CERKL: variants seen among roughly 807,000 people sequenced by gnomAD.
CERKL encodes the protein CERK like autophagy regulator, also known as ceramide kinase-like protein.
In CERKL, 61 loss-of-function variants were observed where a neutral mutation model predicts 63.4. That is an observed-to-expected ratio of 0.96 (90% CI 0.78 to 1.19). CERKL has a LOEUF of 1.19. CERKL is among the 50% of genes most tolerant of loss of function. The pLI, the probability that CERKL is intolerant of heterozygous loss-of-function variation, is 0.00. For synonymous variants in CERKL, 250 were observed against 230.5 expected (o/e 1.08, Z -0.77); for missense variants, 675 against 655.5 (o/e 1.03, Z -0.33).
At chr2:181,551,818 A>T (rs1688000695) in intron 5 of CERKL, among the ~76,000 whole-genome samples, 1 of 152,134 alleles carries the variant, frequency 6.6e-6, no homozygotes, top group African/African-American at 2.4e-5. Flanking sequence ...ATATGAAACA[A>T]AGGTTTGACT....
At chr2:181,635,359 T>G (rs77989746) in intron 1 of CERKL, among the ~76,000 whole-genome samples, 8,204 of 152,232 alleles carry the variant, frequency 0.054, 290 homozygotes, top group South Asian at 0.096. Flanking sequence ...TTAGAGAAAT[T>G]TATTTCTACT....
rs559808305 is a variant in CERKL at position 181,618,792 on chromosome 2, A to T, written c.239-14713T>A. Among the ~76,000 whole-genome samples the T allele has an allele frequency of 8.5e-5, 13 of 152,344 alleles. No homozygotes were observed. The East Asian group carries it at 9.6e-4, about 11-fold the overall frequency. On this transcript the variant is annotated intron_variant, in intron 1 of 12. Coordinates refer to ENST00000410087, the MANE Select transcript of CERKL (RefSeq NM_201548.5). ...ACAAATATCAATGGTTATAACTTAA[A>T]TAAATGGTCTTTGTGGTTTTCAACG...
chr2:181,625,833 C>A (rs1030596638), intron 1 of CERKL, among the ~76,000 whole-genome samples: 57 of 152,134 alleles, frequency 3.7e-4, no homozygotes, highest in African/African-American at 1.3e-3. Flanking sequence ...GAAACAGGGG[C>A]AAACAAAACA....
chr2:181,565,854 T>G (rs979346780), intron 4 of CERKL, among the ~76,000 whole-genome samples: 2 of 152,120 alleles, frequency 1.3e-5, no homozygotes, highest in Non-Finnish European at 2.9e-5. Flanking sequence ...ATTCCTCTTT[T>G]TGCTTTCCTA....
intron 1 of CERKL, among the ~76,000 whole-genome samples, chr2:181,651,806 A>G (rs1421154442): frequency 6.6e-6 from 1 of 152,070 alleles, no homozygotes; most frequent in Non-Finnish European, 1.5e-5. Flanking sequence ...AGAATTCAGT[A>G]AAGTTGCAAG....
At chr2:181,599,750 G>C (rs565089862) in intron 2 of CERKL, among the ~76,000 whole-genome samples, 1 of 152,208 alleles carries the variant, frequency 6.6e-6, no homozygotes, top group African/African-American at 2.4e-5. Flanking sequence ...TGATGGAGAA[G>C]AGGAAGAAGT....
At chr2:181,609,461 C>T (rs961187264) in intron 1 of CERKL, among the ~76,000 whole-genome samples, 4 of 143,992 alleles carry the variant, frequency 2.8e-5, no homozygotes, top group Admixed American at 7.2e-5. Context: ...TTTGGGAGGC[C>T]GAGAAGGGCA....
intron 1 of CERKL, among the ~76,000 whole-genome samples, chr2:181,639,082 A>C (rs1282322096): frequency 1.3e-5 from 2 of 152,244 alleles, no homozygotes; most frequent in African/African-American, 4.8e-5. Flanking sequence ...ATATTTAAAA[A>C]ATAGAGAAAA....
chr2:181,586,243 A>G (rs1337964577), intron 2 of CERKL, among the ~76,000 whole-genome samples: 1 of 152,160 alleles, frequency 6.6e-6, no homozygotes, highest in African/African-American at 2.4e-5. Flanking sequence ...AACAATTAAC[A>G]TTTTTAGGTG....
chr2:181,650,096 A>G (rs1574069226), intron 1 of CERKL: 1 of 51,516 alleles, frequency 1.9e-5, no homozygotes, highest in South Asian at 1.0e-3. Context: ...GGAGGGAGGG[A>G]GGGAGGGAGG....
At chr2:181,582,705 C>T (rs1684575550) in intron 2 of CERKL, among the ~76,000 whole-genome samples, 1 of 151,644 alleles carries the variant, frequency 6.6e-6, no homozygotes. Flanking sequence ...CCACCAAGCC[C>T]AGCTAATTTT....
At chr2:181,612,881 A>G (rs1474472610) in intron 1 of CERKL, among the ~76,000 whole-genome samples, 1 of 152,140 alleles carries the variant, frequency 6.6e-6, no homozygotes, top group Non-Finnish European at 1.5e-5. Context: ...AAAAAGCAGT[A>G]TTTTTCTGAT....
chr2:181,591,202 C>T (rs1684977153), intron 2 of CERKL, among the ~76,000 whole-genome samples: 1 of 151,966 alleles, frequency 6.6e-6, no homozygotes, highest in Non-Finnish European at 1.5e-5. Flanking sequence ...ATTTAAAAAA[C>T]ATACATATAT....
At chr2:181,590,526 C>T (rs1684949121) in intron 2 of CERKL, among the ~76,000 whole-genome samples, 1 of 151,620 alleles carries the variant, frequency 6.6e-6, no homozygotes, top group Admixed American at 6.6e-5. Context: ...ATATTTGTAA[C>T]ATATCAAATA....
intron 3 of CERKL, among the ~76,000 whole-genome samples, chr2:181,567,603 C>A (rs1688720608): frequency 6.6e-6 from 1 of 151,564 alleles, no homozygotes. Flanking sequence ...AGATCTAGAA[C>A]AAAGAAACAA....
At chr2:181,562,760 T>C (rs374958678) in intron 4 of CERKL, among the ~76,000 whole-genome samples, 22 of 152,306 alleles carry the variant, frequency 1.4e-4, no homozygotes, top group African/African-American at 5.1e-4. Context: ...GTTTTTATAC[T>C]TATCTATGAA....
chr2:181,656,672 G>T, intron 1 of CERKL, 97 bp downstream of exon 1: 1 of 1,066,278 alleles, frequency 9.4e-7, no homozygotes, highest in Non-Finnish European at 1.3e-6. Context: ...GGCGAGAAAA[G>T]GGGAGGGTGG....
At chr2:181,605,333 G>A (rs1397239718) in intron 1 of CERKL, among the ~76,000 whole-genome samples, 1 of 152,188 alleles carries the variant, frequency 6.6e-6, no homozygotes, top group Non-Finnish European at 1.5e-5. Flanking sequence ...AGTGAACACT[G>A]TAGATTTGCA....
At chr2:181,617,747 A>C (rs1230816574) in intron 1 of CERKL, among the ~76,000 whole-genome samples, 1 of 152,226 alleles carries the variant, frequency 6.6e-6, no homozygotes, top group Non-Finnish European at 1.5e-5. Flanking sequence ...ATAAATTTTC[A>C]AATAGCAAAC....
Sources: gnomAD v4.1 joint callset for allele counts (sites outside exome capture counted in the v4.1 genomes callset) on GRCh38, gnomAD v4.1.1 for gene constraint, MANE v1.5 for transcripts, NCBI Gene and HGNC (gene_info 2026-07-23, HGNC 2026-07-21) for gene names.